CTNNA2: variants seen among roughly 807,000 people sequenced by gnomAD.
CTNNA2 encodes catenin alpha 2.
In CTNNA2, 42 loss-of-function variants were observed where a neutral mutation model predicts 101.0. That is an observed-to-expected ratio of 0.42 (90% CI 0.32 to 0.54). CTNNA2 has a LOEUF of 0.54. CTNNA2 is among the 20% of genes least tolerant of loss of function. CTNNA2 has a pLI of 0.14. For missense variants in CTNNA2, 871 were observed against 1,223.1 expected, an observed-to-expected ratio of 0.71 and a Z score of 4.29; for synonymous variants, 450 against 456.4, an observed-to-expected ratio of 0.99 and a Z score of 0.18.
chr2:80,528,239 A>G (rs1253615812), intron 9 of CTNNA2, among the ~76,000 whole-genome samples: 1 of 152,184 alleles, frequency 6.6e-6, no homozygotes, highest in Non-Finnish European at 1.5e-5. Flanking sequence ...TCAGTCGCCT[A>G]GGCTGGAGTA....
chr2:80,544,131 G>A (rs1021698428), intron 9 of CTNNA2, among the ~76,000 whole-genome samples: 9 of 152,010 alleles, frequency 5.9e-5, no homozygotes, highest in Admixed American at 5.9e-4. Flanking sequence ...CCAGCTGTTT[G>A]GGGTAGCATA....
chr2:80,522,257 A>C (rs1307410908), intron 9 of CTNNA2, among the ~76,000 whole-genome samples: 2 of 152,180 alleles, frequency 1.3e-5, no homozygotes, highest in Middle Eastern at 6.3e-3. Flanking sequence ...AGCTGTTCTC[A>C]AGGATCCTCA....
intron 2 of CTNNA2, among the ~76,000 whole-genome samples, chr2:79,706,750 G>A (rs1292367238): frequency 6.6e-6 from 1 of 152,118 alleles, no homozygotes; most frequent in Non-Finnish European, 1.5e-5. Context: ...CAGGCACCCA[G>A]GTCATAGATG....
chr2:80,483,947 G>A (rs1444387148), intron 9 of CTNNA2, among the ~76,000 whole-genome samples: 1 of 152,034 alleles, frequency 6.6e-6, no homozygotes, highest in East Asian at 1.9e-4. Flanking sequence ...GGCAATAAAT[G>A]AACTTCATCA....
intron 6 of CTNNA2, among the ~76,000 whole-genome samples, chr2:79,897,084 A>G (rs570506544): frequency 2.7e-4 from 41 of 152,320 alleles, no homozygotes; most frequent in South Asian, 2.1e-4. Context: ...TGACATCTCA[A>G]TTCAAGGGCT....
At chr2:79,750,358 GCA>G (rs1671937433) in intron 3 of CTNNA2, among the ~76,000 whole-genome samples, 2 of 152,148 alleles carry the variant, frequency 1.3e-5, no homozygotes, top group Non-Finnish European at 2.9e-5. Flanking sequence ...CAGAATCTCT[GCA>G]GTTGGACCCA....
chr2:80,438,570 A>C (rs1484105738), intron 9 of CTNNA2, among the ~76,000 whole-genome samples: 1 of 152,148 alleles, frequency 6.6e-6, no homozygotes, highest in Non-Finnish European at 1.5e-5. Flanking sequence ...CTAGGTCATC[A>C]CTAATTATTT....
intron 7 of CTNNA2, among the ~76,000 whole-genome samples, chr2:80,063,718 G>A (rs538420744): frequency 6.6e-5 from 10 of 152,306 alleles, no homozygotes; most frequent in Admixed American, 5.9e-4. Context: ...TTACAGCATT[G>A]ATAAACCTGA....
intron 7 of CTNNA2, among the ~76,000 whole-genome samples, chr2:80,234,022 C>T (rs1216875977): frequency 1.3e-5 from 2 of 149,286 alleles, no homozygotes; most frequent in African/African-American, 5.0e-5. Flanking sequence ...CCCTCATGCC[C>T]AAATAAAGGA....
At chr2:79,318,823 G>A (rs143419318) in intron 3 of CTNNA2, among the ~76,000 whole-genome samples, 362 of 152,290 alleles carry the variant, frequency 2.4e-3, no homozygotes, top group African/African-American at 8.2e-3. Flanking sequence ...AAATGTTTAC[G>A]TTCTGGCCGT....
intron 3 of CTNNA2, among the ~76,000 whole-genome samples, chr2:79,841,655 T>G (rs566975678): frequency 2.7e-4 from 41 of 152,356 alleles, no homozygotes; most frequent in African/African-American, 9.9e-4. Context: ...AAGGTGTGCT[T>G]TCTTTAGGAA....
At chr2:79,975,772 G>A (rs999456797) in intron 7 of CTNNA2, among the ~76,000 whole-genome samples, 4 of 152,228 alleles carry the variant, frequency 2.6e-5, no homozygotes, top group African/African-American at 9.6e-5. Flanking sequence ...CGGGGAAGGG[G>A]AGTGGAGCTC....
At chr2:80,503,003 C>G (rs1009447756) in intron 9 of CTNNA2, among the ~76,000 whole-genome samples, 2 of 152,030 alleles carry the variant, frequency 1.3e-5, no homozygotes, top group African/African-American at 4.8e-5. Flanking sequence ...CTCCTTGTTT[C>G]TACAAAAATT....
chr2:79,960,137 A>G (rs1689530195), intron 7 of CTNNA2, among the ~76,000 whole-genome samples: 1 of 152,204 alleles, frequency 6.6e-6, no homozygotes, highest in African/African-American at 2.4e-5. Flanking sequence ...TTTAAAATCC[A>G]CTAGAGAAAA....
chr2:80,060,180 C>T (rs960645175), intron 7 of CTNNA2, among the ~76,000 whole-genome samples: 2 of 152,096 alleles, frequency 1.3e-5, no homozygotes, highest in African/African-American at 4.8e-5. Context: ...CTGCATAGTC[C>T]CCTCCCATAG....
At chr2:79,584,881 C>T (rs1676381848) in intron 1 of CTNNA2, among the ~76,000 whole-genome samples, 1 of 152,156 alleles carries the variant, frequency 6.6e-6, no homozygotes, top group South Asian at 2.1e-4. Context: ...ATGCACCAGT[C>T]TCACATAGAC....
chr2:79,976,709 G>A (rs945569597), intron 7 of CTNNA2, among the ~76,000 whole-genome samples: 2 of 152,122 alleles, frequency 1.3e-5, no homozygotes, highest in African/African-American at 4.8e-5. Context: ...AATTTAATAC[G>A]TTCTTCCAAA....
chr2:80,633,756 T>G (rs548936333), intron 18 of CTNNA2, among the ~76,000 whole-genome samples: 3 of 152,206 alleles, frequency 2.0e-5, no homozygotes, highest in Non-Finnish European at 4.4e-5. Flanking sequence ...GATTAATTTA[T>G]TAAGGCACCA....
chr2:80,486,437 T>C (rs1686590127), intron 9 of CTNNA2, among the ~76,000 whole-genome samples: 1 of 152,198 alleles, frequency 6.6e-6, no homozygotes, highest in South Asian at 2.1e-4. Context: ...GGAAACACAT[T>C]TGTAATACTA....
Sources: gnomAD v4.1 joint callset for allele counts (sites outside exome capture counted in the v4.1 genomes callset) on GRCh38, gnomAD v4.1.1 for gene constraint, MANE v1.5 for transcripts, NCBI Gene and HGNC (gene_info 2026-07-23, HGNC 2026-07-21) for gene names.